The following TTC29 variants were observed in gnomAD, a reference collection of about 807,000 sequenced individuals.
TTC29 encodes the protein tetratricopeptide repeat domain 29, also known as tetratricopeptide repeat protein 29.
A neutral mutation model predicts 58.1 loss-of-function variants in TTC29; 49 were observed. That is an observed-to-expected ratio of 0.84 (90% CI 0.67 to 1.07). The LOEUF is 1.07. Among genes scored for constraint, TTC29 ranks in the 50% least tolerant of loss-of-function variants. The pLI, the probability that TTC29 is intolerant of heterozygous loss-of-function variation, is 0.00. For synonymous variants in TTC29, 209 were observed against 196.8 expected (o/e 1.06, Z -0.52); for missense variants, 582 against 555.6 (o/e 1.05, Z -0.48).
chr4:146,935,466 T>C (rs993788036), intron 4 of TTC29, among the ~76,000 whole-genome samples: 2 of 152,200 alleles, frequency 1.3e-5, no homozygotes, highest in Admixed American at 1.3e-4. Flanking sequence ...TTTCTACCCA[T>C]TACATTTTCA....
At chr4:146,814,239 C>T (rs983950534) in intron 10 of TTC29, among the ~76,000 whole-genome samples, 2 of 151,972 alleles carry the variant, frequency 1.3e-5, no homozygotes, top group East Asian at 3.9e-4. Context: ...ATAACATGAA[C>T]AAGAAAACTA....
intron 11 of TTC29, among the ~76,000 whole-genome samples, chr4:146,777,545 T>C (rs1412798575): frequency 6.6e-6 from 1 of 152,224 alleles, no homozygotes; most frequent in African/African-American, 2.4e-5. Context: ...TCCTTCATAT[T>C]ACTTTTTCTC....
chr4:146,867,537 T>C lies in TTC29; in HGVS notation c.846A>G (p.Leu282=). Residue 282 remains leucine (L), a synonymous_variant, in exon 8 of 13, where the codon TTA becomes TTG. Coordinates refer to ENST00000325106, the MANE Select transcript of TTC29 (RefSeq NM_031956.4). ...CATATTCCTCAGCAGCTAAGTGTGC[T>C]AAGCCCAAGTAGTAAGAGGCTTCCG... is the stretch of plus-strand genomic sequence containing the variant. ...MEAEASYYLG[L]AHLAAEEYET... is the part of the protein sequence containing the mutation. The C allele has an allele frequency of 6.4e-7, 1 of 1,557,160 alleles. No homozygotes were observed. The highest frequency in any genetic ancestry group is 1.9e-5 in the Admixed American group (1 of 53,712).
intron 10 of TTC29, among the ~76,000 whole-genome samples, chr4:146,804,452 C>A (rs1750459504): frequency 6.6e-6 from 1 of 152,146 alleles, no homozygotes. Context: ...CGAATCCCAC[C>A]TGCAGGGAGC....
intron 9 of TTC29, among the ~76,000 whole-genome samples, chr4:146,827,750 A>G (rs1727904539): frequency 6.6e-6 from 1 of 152,208 alleles, no homozygotes. Context: ...TAGTGTTATT[A>G]TTATCTCTCA....
chr4:146,869,581 A>T (rs1730794371), intron 7 of TTC29, among the ~76,000 whole-genome samples: 2 of 152,134 alleles, frequency 1.3e-5, no homozygotes, highest in South Asian at 4.1e-4. Flanking sequence ...GAAGCTACTT[A>T]TTAGAGAGTT....
intron 11 of TTC29, among the ~76,000 whole-genome samples, chr4:146,732,388 C>G (rs1379396489): frequency 1.3e-5 from 2 of 152,096 alleles, no homozygotes; most frequent in East Asian, 3.9e-4. Context: ...AAAGATTAAT[C>G]TGCTGGGAAT....
intron 8 of TTC29, among the ~76,000 whole-genome samples, chr4:146,845,434 A>C (rs1729102491): frequency 6.6e-6 from 1 of 152,164 alleles, no homozygotes; most frequent in Non-Finnish European, 1.5e-5. Context: ...CTCACACTTC[A>C]CTTGGTTATA....
chr4:146,772,554 G>C (rs1357000242), intron 11 of TTC29, among the ~76,000 whole-genome samples: 1 of 151,886 alleles, frequency 6.6e-6, no homozygotes, highest in Non-Finnish European at 1.5e-5. Flanking sequence ...CTTATTTCTG[G>C]GCTCTCTATT....
chr4:146,896,369 T>C (rs1269208502), intron 6 of TTC29, among the ~76,000 whole-genome samples: 4 of 152,192 alleles, frequency 2.6e-5, no homozygotes, highest in Admixed American at 2.6e-4. Context: ...CTTTTTACCT[T>C]CTGGCATTTA....
At chr4:146,911,467 T>A (rs1733893925) in intron 4 of TTC29, among the ~76,000 whole-genome samples, 1 of 152,146 alleles carries the variant, frequency 6.6e-6, no homozygotes, top group African/African-American at 2.4e-5. Flanking sequence ...ATCAAGTACA[T>A]CAGAGATGGA....
At chr4:146,933,496 GATA>G (rs1735506222) in intron 4 of TTC29, among the ~76,000 whole-genome samples, 2 of 152,134 alleles carry the variant, frequency 1.3e-5, no homozygotes, top group Non-Finnish European at 1.5e-5. Flanking sequence ...AATGCATTCT[GATA>G]ATATTATACA....
rs976735977 is a variant in TTC29 at position 146,852,220 on chromosome 4, A to G, written c.885+15278T>C. ...TTTAAGCTTCAAGTGTTATTCAATA[A>G]TAATTTCCACTGAACAAGAATAACA... On this transcript the variant is annotated intron_variant, in intron 8 of 12. Coordinates refer to ENST00000325106, the MANE Select transcript of TTC29 (RefSeq NM_031956.4). Among the ~76,000 whole-genome samples, 12 of 152,222 alleles carry G rather than the reference A, an allele frequency of 7.9e-5. No individual in the cohort carries two copies. The East Asian group carries it at 2.1e-3, about 27-fold the overall frequency.
chr4:146,887,265 T>C (rs956173603), intron 6 of TTC29, among the ~76,000 whole-genome samples: 1 of 152,128 alleles, frequency 6.6e-6, no homozygotes, highest in African/African-American at 2.4e-5. Context: ...AGTATCCTAG[T>C]TTCTGCTTCC....
At chr4:146,797,426 T>C (rs1315598442) in intron 11 of TTC29, among the ~76,000 whole-genome samples, 1 of 152,238 alleles carries the variant, frequency 6.6e-6, no homozygotes, top group East Asian at 1.9e-4. Context: ...TTTCTTGTAC[T>C]GATGTTTAGT....
intron 6 of TTC29, among the ~76,000 whole-genome samples, chr4:146,889,703 C>A (rs1732223394): frequency 6.6e-6 from 1 of 152,062 alleles, no homozygotes; most frequent in African/African-American, 2.4e-5. Flanking sequence ...AAATTTTGAT[C>A]AATTTTGATG....
At chr4:146,742,101 T>C (rs996523262) in intron 11 of TTC29, among the ~76,000 whole-genome samples, 3 of 152,232 alleles carry the variant, frequency 2.0e-5, no homozygotes, top group Non-Finnish European at 4.4e-5. Flanking sequence ...ACCTAGATCA[T>C]GTGACCCCAG....
At chr4:146,796,787 C>T (rs1257883108) in intron 11 of TTC29, among the ~76,000 whole-genome samples, 1 of 151,946 alleles carries the variant, frequency 6.6e-6, no homozygotes, top group Non-Finnish European at 1.5e-5. Context: ...TGTTGGGGCT[C>T]CTTGTAGAAA....
In TTC29 at chr4:146,855,818, A is replaced by G. The variant is rs183462434; in HGVS notation, c.885+11680T>C. Among the ~76,000 whole-genome samples the G allele has an allele frequency of 4.9e-4, 74 of 152,342 alleles. 1 individual carries two copies. The highest frequency in any genetic ancestry group is 8.7e-4 in the Non-Finnish European group (59 of 68,034). ...ACCCCTTTCATCTCTTAGAGGAATT[A>G]TACATAATTTGGCTAAATTTGTAAT... On this transcript the variant is annotated intron_variant, in intron 8 of 12. Transcript: ENST00000325106.
Sources: allele counts gnomAD v4.1 joint callset (sites outside exome capture counted in the v4.1 genomes callset), GRCh38; gene constraint gnomAD v4.1.1; transcripts MANE v1.5; gene names NCBI Gene and HGNC (gene_info 2026-07-23, HGNC 2026-07-21).